EPHA6: variants seen among roughly 807,000 people sequenced by gnomAD.
EPHA6 encodes EPH receptor A6, also known as ephrin type-A receptor 6.
EPHA6 carries 50 observed loss-of-function variants against 112.0 expected under a neutral mutation model. That is an observed-to-expected ratio of 0.45 (90% CI 0.36 to 0.56). The LOEUF is 0.56. Ranked by LOEUF, EPHA6 falls within the 20% of genes least tolerant of loss-of-function variation. The pLI, the probability that EPHA6 is intolerant of heterozygous loss-of-function variation, is 0.00. For synonymous variants in EPHA6, 529 were observed against 490.7 expected (o/e 1.08, Z -1.03); for missense variants, 1,280 against 1,417.4 (o/e 0.90, Z 1.56).
chr3:96,981,624 A>T (rs549927847), intron 2 of EPHA6, among the ~76,000 whole-genome samples: 1 of 152,104 alleles, frequency 6.6e-6, no homozygotes, highest in Non-Finnish European at 1.5e-5. Flanking sequence ...TTTCAGAAGG[A>T]ATGGTACCAG....
chr3:97,312,729 T>C (rs1403969427), intron 5 of EPHA6, among the ~76,000 whole-genome samples: 4 of 151,458 alleles, frequency 2.6e-5, no homozygotes, highest in African/African-American at 9.7e-5. Context: ...TTTCTGCATT[T>C]ATTGATATAA....
At chr3:97,706,592 A>G (rs567948491) in intron 14 of EPHA6, among the ~76,000 whole-genome samples, 1 of 152,278 alleles carries the variant, frequency 6.6e-6, no homozygotes, top group Non-Finnish European at 1.5e-5. Flanking sequence ...AATTTCTTGG[A>G]CATGAGACGC....
intron 3 of EPHA6, among the ~76,000 whole-genome samples, chr3:97,012,352 T>G (rs2044117238): frequency 6.6e-6 from 1 of 151,536 alleles, no homozygotes; most frequent in Admixed American, 6.6e-5. Flanking sequence ...GGTCTGACTC[T>G]GTCACCCAGG....
intron 3 of EPHA6, among the ~76,000 whole-genome samples, chr3:97,158,038 A>G (rs2108392045): frequency 6.6e-6 from 1 of 152,238 alleles, no homozygotes; most frequent in South Asian, 2.1e-4. Context: ...AAAGACAATA[A>G]CAAGGTCATG....
chr3:97,682,305 G>T (rs1173348652), intron 14 of EPHA6, among the ~76,000 whole-genome samples: 1 of 152,006 alleles, frequency 6.6e-6, no homozygotes, highest in Admixed American at 6.6e-5. Flanking sequence ...GATGAGTAGA[G>T]AACTCTGATC....
intron 3 of EPHA6, among the ~76,000 whole-genome samples, chr3:97,210,967 C>T (rs1576688478): frequency 6.6e-6 from 1 of 152,274 alleles, no homozygotes; most frequent in African/African-American, 2.4e-5. Context: ...AAATTCTCCG[C>T]GTGGCCATCT....
chr3:96,945,463 A>G (rs1319983340), intron 2 of EPHA6, among the ~76,000 whole-genome samples: 2 of 152,184 alleles, frequency 1.3e-5, no homozygotes, highest in Admixed American at 6.5e-5. Context: ...TTCGAGTTAT[A>G]ATTGATTACC....
intron 2 of EPHA6, among the ~76,000 whole-genome samples, chr3:96,899,290 A>G (rs1375878360): frequency 3.9e-5 from 6 of 152,130 alleles, no homozygotes; most frequent in African/African-American, 1.4e-4. Flanking sequence ...GTGTCTTCAT[A>G]CAGCCTTCTT....
rs550564711 is a variant in EPHA6, at chr3:97,631,074, A to G, written c.2575-6799A>G. 1.4e-4 allele frequency among the ~76,000 whole-genome samples: 21 copies of G among 152,142 alleles called. No individual in the cohort carries two copies. In the South Asian group the frequency reaches 4.3e-3, roughly 32 times the overall value. On this transcript the variant is annotated intron_variant, in intron 13 of 17. Coordinates refer to ENST00000389672, the MANE Select transcript of EPHA6 (RefSeq NM_001080448.3). ...TCACAAATACTATTCTAATTCCTCC[A>G]GATGATTTTTCATCTTTTACTGCAT...
At chr3:96,829,705 G>A (rs764984025) in intron 1 of EPHA6, among the ~76,000 whole-genome samples, 2 of 152,026 alleles carry the variant, frequency 1.3e-5, no homozygotes, top group South Asian at 2.1e-4. Context: ...TAGATGTAGC[G>A]TCTGCTGCCT....
At chr3:96,887,768 G>A (rs1014170234) in intron 2 of EPHA6, among the ~76,000 whole-genome samples, 7 of 152,124 alleles carry the variant, frequency 4.6e-5, no homozygotes, top group African/African-American at 1.4e-4. Flanking sequence ...TCTTGCTGTG[G>A]CTACTGTTGG....
chr3:97,066,995 T>C (rs1559705626), intron 3 of EPHA6, among the ~76,000 whole-genome samples: 1 of 152,144 alleles, frequency 6.6e-6, no homozygotes, highest in Non-Finnish European at 1.5e-5. Context: ...TCTCTCTCTT[T>C]TTTTAATCTG....
intron 3 of EPHA6, among the ~76,000 whole-genome samples, chr3:97,146,644 GCCT>G (rs2076049602): frequency 1.3e-5 from 2 of 151,942 alleles, no homozygotes; most frequent in African/African-American, 2.4e-5. Flanking sequence ...TTAAAATGAT[GCCT>G]CCTCTTCTTT....
intron 1 of EPHA6, among the ~76,000 whole-genome samples, chr3:96,830,782 TGGG>T (rs151321445): frequency 2.0e-5 from 3 of 151,386 alleles, no homozygotes; most frequent in East Asian, 3.9e-4. Context: ...TAAGGGGAAA[TGGG>T]GGGGACATTG....
intron 3 of EPHA6, among the ~76,000 whole-genome samples, chr3:97,214,626 A>G (rs2108520323): frequency 6.6e-6 from 1 of 152,176 alleles, no homozygotes; most frequent in Middle Eastern, 3.4e-3. Context: ...ATTTTAAGCA[A>G]TCACATAAAG....
intron 10 of EPHA6, among the ~76,000 whole-genome samples, chr3:97,521,651 G>T (rs1378880960): frequency 1.3e-5 from 2 of 152,112 alleles, no homozygotes; most frequent in African/African-American, 4.8e-5. Flanking sequence ...GACACATGGG[G>T]ATTATGGGAA....
chr3:97,607,728 G>C (rs1485763485), intron 12 of EPHA6, among the ~76,000 whole-genome samples: 1 of 151,120 alleles, frequency 6.6e-6, no homozygotes, highest in Non-Finnish European at 1.5e-5. Context: ...AGATGATTCT[G>C]TGATATGAGG....
At chr3:97,606,913 T>C in intron 12 of EPHA6, among the ~76,000 whole-genome samples, 1 of 151,152 alleles carries the variant, frequency 6.6e-6, no homozygotes, top group Non-Finnish European at 1.5e-5. Flanking sequence ...ACTCTAACTG[T>C]ATTTTTTACA....
chr3:97,479,432 T>C, intron 9 of EPHA6, 68 bp downstream of exon 9: 6 of 1,061,948 alleles, frequency 5.6e-6, no homozygotes, highest in Admixed American at 5.5e-5. Context: ...TCATTCAAAC[T>C]GTATCTATTG....
Sources: allele counts gnomAD v4.1 joint callset (sites outside exome capture counted in the v4.1 genomes callset), GRCh38; gene constraint gnomAD v4.1.1; transcripts MANE v1.5; gene names NCBI Gene and HGNC (gene_info 2026-07-23, HGNC 2026-07-21).